Variants in GPC5 observed in about 807,000 individuals in gnomAD.
The protein encoded by GPC5 is glypican 5.
Under a neutral mutation model 53.9 loss-of-function variants are expected in GPC5, and 47 were observed. The ratio of observed to expected loss-of-function variants is 0.87; its 90% CI spans 0.69 to 1.11. The LOEUF is 1.11. Ranked by LOEUF, GPC5 falls within the 50% of genes most tolerant of loss-of-function variation. GPC5 has a pLI of 0.00. For synonymous variants in GPC5, 286 were observed against 263.3 expected, an observed-to-expected ratio of 1.09 and a Z score of -0.84; for missense variants, 748 against 713.1, an observed-to-expected ratio of 1.05 and a Z score of -0.56.
At chr13:92,825,935 T>C (rs892957154) in intron 7 of GPC5, among the ~76,000 whole-genome samples, 1 of 152,170 alleles carries the variant, frequency 6.6e-6, no homozygotes, top group African/African-American at 2.4e-5. Flanking sequence ...TAGTTTTCTT[T>C]GGAATACATT....
intron 2 of GPC5, among the ~76,000 whole-genome samples, chr13:91,589,129 A>G (rs544610457): frequency 6.6e-6 from 1 of 152,082 alleles, no homozygotes; most frequent in Non-Finnish European, 1.5e-5. Context: ...GCAGTATTTG[A>G]TGTCTTTGAC....
rs1313693303 is a variant in GPC5 at position 92,347,872 on chromosome 13, A to C, written c.1561+202883A>C. Among the ~76,000 whole-genome samples, 4 of 14,108 alleles carry C rather than the reference A, an allele frequency of 2.8e-4. 1 individual carries two copies. Among genetic ancestry groups the C allele is most frequent in the African/African-American group, 2.7e-3 (4 of 1,478 alleles). 9.3% of individuals were successfully genotyped at this position (14,108 alleles called of 152,430 possible). A position where few individuals can be genotyped will look rare whatever the true frequency, so the allele number is the denominator to read the frequency against. Reference sequence around the variant, plus strand: ...TTTTATACATATATATATTATATATATAATATATATTATATATATTATATA... The same window carrying C: ...TTTTATACATATATATATTATATATCTAATATATATTATATATATTATATA... On this transcript the variant is annotated intron_variant, in intron 7 of 7. Coordinates refer to ENST00000377067, the MANE Select transcript of GPC5 (RefSeq NM_004466.6).
intron 2 of GPC5, among the ~76,000 whole-genome samples, chr13:91,498,555 T>A (rs1594170315): frequency 1.3e-5 from 2 of 152,022 alleles, no homozygotes; most frequent in Admixed American, 6.6e-5. Context: ...AGATGAAAGG[T>A]CAGAAATGTA....
chr13:91,552,242 T>G (rs1312668131), intron 2 of GPC5, among the ~76,000 whole-genome samples: 1 of 152,070 alleles, frequency 6.6e-6, no homozygotes, highest in African/African-American at 2.4e-5. Context: ...CTTGTTGTTT[T>G]TTTCCACCTA....
chr13:92,545,227 T>C (rs1330995013), intron 7 of GPC5, among the ~76,000 whole-genome samples: 2 of 152,204 alleles, frequency 1.3e-5, no homozygotes, highest in Non-Finnish European at 2.9e-5. Flanking sequence ...GCTTCATCCA[T>C]GTCCCTACAA....
chr13:92,769,386 T>C (rs1439138342), intron 7 of GPC5, among the ~76,000 whole-genome samples: 1 of 151,240 alleles, frequency 6.6e-6, no homozygotes, highest in Non-Finnish European at 1.5e-5. Flanking sequence ...GCATCATTTA[T>C]TTCTTAAGTC....
At chr13:92,322,713 C>T (rs2043224293) in intron 7 of GPC5, among the ~76,000 whole-genome samples, 1 of 152,050 alleles carries the variant, frequency 6.6e-6, no homozygotes, top group South Asian at 2.1e-4. Flanking sequence ...GTCCAGTGTG[C>T]CTTTCATTGT....
intron 2 of GPC5, among the ~76,000 whole-genome samples, chr13:91,534,604 A>G (rs1428087234): frequency 2.6e-5 from 4 of 152,236 alleles, no homozygotes; most frequent in Non-Finnish European, 5.9e-5. Flanking sequence ...GGATCGATGG[A>G]GAATGATTGA....
At chr13:92,335,072 TG>T (rs968251284) in intron 7 of GPC5, among the ~76,000 whole-genome samples, 16 of 151,956 alleles carry the variant, frequency 1.1e-4, no homozygotes, top group Admixed American at 3.9e-4. Flanking sequence ...CTCTGTGGGT[TG>T]GGGGGGACTC....
intron 2 of GPC5, among the ~76,000 whole-genome samples, chr13:91,640,103 G>T (rs1018773457): frequency 2.6e-5 from 4 of 151,948 alleles, no homozygotes; most frequent in Middle Eastern, 3.4e-3. Context: ...CAAATGAATG[G>T]TTAATTTTTT....
chr13:92,087,976 A>C lies in GPC5; in HGVS notation c.1402-56854A>C, dbSNP rs926727648. Among the ~76,000 whole-genome samples the C allele has an allele frequency of 5.3e-5, 8 of 151,464 alleles. No homozygotes were observed. In the East Asian group the frequency reaches 1.6e-3, roughly 30 times the overall value. On this transcript the variant is annotated intron_variant, in intron 6 of 7. Transcript: ENST00000377067. ...AAGAGATGGGGGTCTCGCTACATTG[A>C]CCAGGCTGGTCTTCAAATCCTGGCC...
chr13:92,550,216 A>G (rs1312214329), intron 7 of GPC5, among the ~76,000 whole-genome samples: 1 of 151,804 alleles, frequency 6.6e-6, no homozygotes, highest in Non-Finnish European at 1.5e-5. Flanking sequence ...TTAAAAATGA[A>G]CATATAAGAA....
chr13:91,672,751 T>G (rs905215149), intron 2 of GPC5, among the ~76,000 whole-genome samples: 3 of 152,218 alleles, frequency 2.0e-5, no homozygotes, highest in Admixed American at 6.5e-5. Context: ...CAAGGGAATA[T>G]AAATCATTCT....
At chr13:92,069,429 TGTG>T (rs1439260856) in intron 6 of GPC5, among the ~76,000 whole-genome samples, 1 of 151,830 alleles carries the variant, frequency 6.6e-6, no homozygotes, top group Non-Finnish European at 1.5e-5. Flanking sequence ...TGTGTGTGTG[TGTG>T]TGTGTGTGTG....
intron 2 of GPC5, among the ~76,000 whole-genome samples, chr13:91,561,360 T>C (rs907727763): frequency 6.6e-6 from 1 of 152,106 alleles, no homozygotes; most frequent in South Asian, 2.1e-4. Flanking sequence ...CCAGAAGCAA[T>C]ACTGCATCTT....
At chr13:92,501,156 C>A (rs182447194) in intron 7 of GPC5, among the ~76,000 whole-genome samples, 1 of 152,090 alleles carries the variant, frequency 6.6e-6, no homozygotes, top group African/African-American at 2.4e-5. Context: ...ATTGAAGTGA[C>A]ACAGTAATGA....
At chr13:91,976,991 A>G (rs1227312877) in intron 6 of GPC5, among the ~76,000 whole-genome samples, 19 of 151,980 alleles carry the variant, frequency 1.3e-4, no homozygotes. Flanking sequence ...GTGAACCAAG[A>G]TCATGCCATT....
chr13:92,355,037 A>G (rs1006233065), intron 7 of GPC5, among the ~76,000 whole-genome samples: 1 of 151,538 alleles, frequency 6.6e-6, no homozygotes, highest in African/African-American at 2.4e-5. Context: ...TAATCTGCAT[A>G]ATATGCAGAT....
intron 2 of GPC5, among the ~76,000 whole-genome samples, chr13:91,562,500 G>A (rs183966821): frequency 4.2e-4 from 64 of 151,990 alleles, no homozygotes; most frequent in African/African-American, 1.5e-3. Context: ...GTCTCACTCT[G>A]TCGCCCAGGT....
Sources: gnomAD v4.1 joint callset for allele counts (sites outside exome capture counted in the v4.1 genomes callset) on GRCh38, gnomAD v4.1.1 for gene constraint, MANE v1.5 for transcripts, NCBI Gene and HGNC (gene_info 2026-07-23, HGNC 2026-07-21) for gene names.